Variants in CNBD1 observed in about 807,000 individuals in gnomAD.
CNBD1 encodes cyclic nucleotide binding domain containing 1.
A neutral mutation model predicts 54.4 loss-of-function variants in CNBD1; 71 were observed. That is an observed-to-expected ratio of 1.30 (90% CI 1.08 to 1.59). The LOEUF (loss-of-function observed/expected upper bound fraction) is 1.59. Ranked by LOEUF, CNBD1 falls within the 40% of genes most tolerant of loss-of-function variation. CNBD1 has a pLI of 0.00. For missense variants in CNBD1, 659 were observed against 518.0 expected, an observed-to-expected ratio of 1.27 and a Z score of -2.64; for synonymous variants, 182 against 170.7, an observed-to-expected ratio of 1.07 and a Z score of -0.51.
At chr8:87,325,712 G>A (rs1809652837) in intron 8 of CNBD1, among the ~76,000 whole-genome samples, 1 of 141,184 alleles carries the variant, frequency 7.1e-6, no homozygotes, top group African/African-American at 2.7e-5. Context: ...CATGTGAGAT[G>A]GGTTTCCTGA....
At chr8:87,171,363 G>T (rs1347213325) in intron 4 of CNBD1, among the ~76,000 whole-genome samples, 1 of 151,736 alleles carries the variant, frequency 6.6e-6, no homozygotes, top group African/African-American at 2.4e-5. Flanking sequence ...GGTATTGGTT[G>T]TAATATCTCC....
At chr8:87,128,202 C>T (rs1475800064) in intron 4 of CNBD1, among the ~76,000 whole-genome samples, 11 of 152,294 alleles carry the variant, frequency 7.2e-5, no homozygotes, top group Non-Finnish European at 1.2e-4. Context: ...TCCTGGAAGC[C>T]GAACAAGTAC....
intron 10 of CNBD1, among the ~76,000 whole-genome samples, chr8:87,377,997 G>T (rs1201844464): frequency 1.5e-5 from 2 of 135,004 alleles, no homozygotes; most frequent in Admixed American, 7.6e-5. Flanking sequence ...TTTTGATGGG[G>T]TTGTTTGTTT....
intron 4 of CNBD1, among the ~76,000 whole-genome samples, chr8:87,119,322 G>A (rs980142770): frequency 6.7e-6 from 1 of 148,884 alleles, no homozygotes; most frequent in Non-Finnish European, 1.5e-5. Context: ...TTAATTCTTA[G>A]GGTTTTTTTT....
chr8:87,012,118 C>T (rs1215535423), intron 4 of CNBD1, among the ~76,000 whole-genome samples: 1 of 152,122 alleles, frequency 6.6e-6, no homozygotes, highest in Non-Finnish European at 1.5e-5. Flanking sequence ...ACTAGAAAGT[C>T]ACTAAGTGAA....
At chr8:86,974,095 G>A (rs910602254) in intron 4 of CNBD1, among the ~76,000 whole-genome samples, 1 of 151,918 alleles carries the variant, frequency 6.6e-6, no homozygotes, top group Non-Finnish European at 1.5e-5. Context: ...AATGATAAAT[G>A]TTCAAAAATG....
In CNBD1 at chr8:86,990,682, G is replaced by C. The variant is rs374360112; in HGVS notation, c.431+50928G>C. ...TATCTTTCACTATTCTGGGTCTTTT[G>C]TTGTTTCATATAAATTTTCTGATTG... is the stretch of plus-strand genomic sequence containing the variant. On this transcript the variant is annotated intron_variant, in intron 4 of 10. Transcript: ENST00000518476. 2.6e-5 allele frequency among the ~76,000 whole-genome samples: 4 copies of C among 151,940 alleles called. 1 individual carries two copies. Among genetic ancestry groups the C allele is most frequent in the Admixed American group, 2.6e-4 (4 of 15,236 alleles).
intron 6 of CNBD1, among the ~76,000 whole-genome samples, chr8:87,239,570 A>T (rs1474351065): frequency 1.3e-5 from 2 of 152,192 alleles, no homozygotes; most frequent in Non-Finnish European, 2.9e-5. Flanking sequence ...TAAGAAGAAG[A>T]AAAAAGTTAT....
intron 3 of CNBD1, among the ~76,000 whole-genome samples, chr8:86,910,606 A>G (rs1212769355): frequency 6.6e-6 from 1 of 152,228 alleles, no homozygotes; most frequent in African/African-American, 2.4e-5. Context: ...GTTTACTTCA[A>G]TACATTTAAT....
intron 4 of CNBD1, among the ~76,000 whole-genome samples, chr8:86,976,595 G>A (rs1459289203): frequency 6.6e-6 from 1 of 151,572 alleles, no homozygotes; most frequent in African/African-American, 2.4e-5. Flanking sequence ...ATTTTGATAG[G>A]GATTGAATTT....
chr8:86,951,984 G>T (rs2130449554), intron 4 of CNBD1, among the ~76,000 whole-genome samples: 1 of 152,204 alleles, frequency 6.6e-6, no homozygotes, highest in East Asian at 1.9e-4. Context: ...AGGACAAACA[G>T]AACTCAGCAG....
At chr8:87,400,370 T>C (rs1029234886) in intron 2 of CNBD1, among the ~76,000 whole-genome samples, 1 of 151,952 alleles carries the variant, frequency 6.6e-6, no homozygotes, top group African/African-American at 2.4e-5. Context: ...ATGTGTAGAA[T>C]TGAATTCCTG....
intron 8 of CNBD1, among the ~76,000 whole-genome samples, chr8:87,311,002 A>G (rs185220869): frequency 8.7e-4 from 132 of 152,270 alleles, no homozygotes; most frequent in Admixed American, 1.5e-3. Flanking sequence ...GAACCCTAGG[A>G]GAAAACCTAG....
At chr8:87,227,483 T>C (rs1393625694) in intron 5 of CNBD1, among the ~76,000 whole-genome samples, 4,935 of 144,790 alleles carry the variant, frequency 0.034, 248 homozygotes, top group African/African-American at 0.11. Context: ...AGTATTTTAT[T>C]TCTCCTTCAC....
Position 87,389,240 on chromosome 8 carries a change from G to T in CNBD1, c.213+35454G>T, listed in dbSNP as rs1167023523. Among the ~76,000 whole-genome samples, 4 of 152,158 alleles carry T rather than the reference G, an allele frequency of 2.6e-5. No individual in the cohort carries two copies. The South Asian group carries it at 6.2e-4, about 24-fold the overall frequency. On this transcript the variant is annotated intron_variant, in intron 2 of 7. Coordinates refer to the CNBD1 transcript ENST00000521593. ...GCTGCTATTCAACATAGTGTTGGAA[G>T]TTCTGGCCAGGGCAATCAGGCAGGA...
intron 8 of CNBD1, among the ~76,000 whole-genome samples, chr8:87,297,334 T>TTA (rs1340388801): frequency 6.6e-6 from 1 of 152,102 alleles, no homozygotes; most frequent in African/African-American, 2.4e-5. Context: ...TATTGTACAC[T>TTA]TACAGCGTAT....
chr8:87,390,523 A>T (rs1395037085), intron 2 of CNBD1, among the ~76,000 whole-genome samples: 1 of 152,234 alleles, frequency 6.6e-6, no homozygotes, highest in Non-Finnish European at 1.5e-5. Context: ...GAAAAATGCA[A>T]ATCAAAACCA....
At chr8:87,415,288 G>A (rs1007605435) in intron 2 of CNBD1, among the ~76,000 whole-genome samples, 1 of 151,930 alleles carries the variant, frequency 6.6e-6, no homozygotes, top group East Asian at 1.9e-4. Context: ...AGTCTAGGTT[G>A]AGTTCCAAGA....
intron 4 of CNBD1, among the ~76,000 whole-genome samples, chr8:87,187,332 T>A (rs1813501489): frequency 1.3e-5 from 2 of 152,210 alleles, no homozygotes; most frequent in South Asian, 4.1e-4. Context: ...TATGCAGATA[T>A]TTTCCCATAA....
Sources: gnomAD v4.1 joint callset for allele counts (sites outside exome capture counted in the v4.1 genomes callset) on GRCh38, gnomAD v4.1.1 for gene constraint, MANE v1.5 for transcripts, NCBI Gene and HGNC (gene_info 2026-07-23, HGNC 2026-07-21) for gene names.